SEMA3A: variants seen among roughly 807,000 people sequenced by gnomAD.
SEMA3A encodes the protein semaphorin 3A.
Under a neutral mutation model 97.9 loss-of-function variants are expected in SEMA3A, and 29 were observed. The ratio of observed to expected loss-of-function variants is 0.30; its 90% CI spans 0.22 to 0.40. SEMA3A has a LOEUF of 0.40. SEMA3A is among the 10% of genes least tolerant of loss of function. SEMA3A has a pLI of 1.00. For synonymous variants in SEMA3A, 321 were observed against 323.7 expected, an observed-to-expected ratio of 0.99 and a Z score of 0.09; for missense variants, 763 against 951.3, an observed-to-expected ratio of 0.80 and a Z score of 2.60.
intron 12 of SEMA3A, among the ~76,000 whole-genome samples, chr7:84,000,180 T>C (rs998177533): frequency 1.3e-4 from 19 of 150,648 alleles, no homozygotes; most frequent in Non-Finnish European, 2.5e-4. Flanking sequence ...ACAGAGTCCA[T>C]TTGGACAGTT....
intron 1 of SEMA3A, among the ~76,000 whole-genome samples, chr7:84,393,208 G>T (rs539271718): frequency 6.6e-6 from 1 of 152,186 alleles, no homozygotes; most frequent in Non-Finnish European, 1.5e-5. Context: ...AATCAATTTT[G>T]AGTGGATTTG....
chr7:84,215,671 A>T (rs1386940662), intron 3 of SEMA3A, among the ~76,000 whole-genome samples: 1 of 152,166 alleles, frequency 6.6e-6, no homozygotes, highest in African/African-American at 2.4e-5. Context: ...ATAACTCTCT[A>T]TGCCACATCT....
At chr7:84,453,443 A>G (rs185218368) in intron 1 of SEMA3A, among the ~76,000 whole-genome samples, 38 of 151,838 alleles carry the variant, frequency 2.5e-4, no homozygotes, top group African/African-American at 9.0e-4. Context: ...TCACCGTGTT[A>G]GCCAGGATGG....
At chr7:83,966,865 C>T (rs762815209) in intron 15 of SEMA3A, among the ~76,000 whole-genome samples, 2 of 152,082 alleles carry the variant, frequency 1.3e-5, no homozygotes, top group African/African-American at 2.4e-5. Context: ...GCATGCGCCA[C>T]CACGCCCAGC....
intron 4 of SEMA3A, among the ~76,000 whole-genome samples, chr7:84,094,496 T>C (rs1055540823): frequency 6.6e-6 from 1 of 152,272 alleles, no homozygotes; most frequent in African/African-American, 2.4e-5. Context: ...TCTACTTGTA[T>C]TCTAGAGCAT....
At position 84,389,031 on chromosome 7, in the gene SEMA3A, A is replaced by C. The variant is rs140096145; in HGVS notation, c.-245-17131T>G. Among the ~76,000 whole-genome samples the C allele has an allele frequency of 1.9e-3, 285 of 152,194 alleles. 1 individual carries two copies. Among genetic ancestry groups the C allele is most frequent in the African/African-American group, 6.6e-3 (276 of 41,558 alleles). The stretch of plus-strand genomic sequence containing the variant: ...AACAAATTACCATAAGCAAATTACA[A>C]AAAGGAGACCTTATGAGGGGGAAAA... On this transcript the variant is annotated intron_variant, in intron 1 of 3. Transcript: ENST00000424555.
intron 1 of SEMA3A, among the ~76,000 whole-genome samples, chr7:84,413,776 T>A (rs917291405): frequency 2.0e-5 from 3 of 152,144 alleles, no homozygotes; most frequent in African/African-American, 7.2e-5. Flanking sequence ...TTTATACTAG[T>A]CATTTTTAAA....
At chr7:84,077,908 C>T (rs1271720205) in intron 4 of SEMA3A, among the ~76,000 whole-genome samples, 1 of 151,680 alleles carries the variant, frequency 6.6e-6, no homozygotes. Flanking sequence ...AATTTTAATG[C>T]CAGTTGGGGG....
chr7:84,207,724 G>A (rs2116311847), intron 3 of SEMA3A, among the ~76,000 whole-genome samples: 1 of 152,298 alleles, frequency 6.6e-6, no homozygotes, highest in East Asian at 1.9e-4. Context: ...AAGAGGTCAA[G>A]TCATCTTCCT....
intron 4 of SEMA3A, among the ~76,000 whole-genome samples, chr7:84,071,833 A>C (rs1406943788): frequency 6.6e-6 from 1 of 152,144 alleles, no homozygotes; most frequent in African/African-American, 2.4e-5. Context: ...CACTGAGTTA[A>C]AGCTCATAAA....
intron 4 of SEMA3A, among the ~76,000 whole-genome samples, chr7:84,100,268 A>G (rs1356676696): frequency 6.6e-6 from 1 of 152,138 alleles, no homozygotes; most frequent in East Asian, 1.9e-4. Flanking sequence ...CCAGGAGAAA[A>G]AAATCACTCC....
rs527401139 is a variant in SEMA3A at position 84,372,141 on chromosome 7, C to T, written c.-245-241G>A. The stretch of plus-strand genomic sequence containing the variant: ...CCCTCACTTCTTCCCAAATTGGATT[C>T]TCAGAGATTATTTCCACTATTTGTG... On this transcript the variant is annotated intron_variant, in intron 1 of 3. Transcript: ENST00000424555. The T allele has an allele frequency of 2.6e-5, 4 of 152,164 alleles. No homozygotes were observed. In the South Asian group the frequency reaches 6.2e-4, roughly 24 times the overall value. The allele number at this position is 152,164 out of a possible 1,614,324, so 9.4% of individuals were successfully genotyped here. A position where few individuals can be genotyped will look rare whatever the true frequency, so the allele number is the denominator to read the frequency against.
chr7:84,076,391 T>G (rs554300768), intron 4 of SEMA3A, among the ~76,000 whole-genome samples: 183 of 152,272 alleles, frequency 1.2e-3, no homozygotes, highest in African/African-American at 4.2e-3. Flanking sequence ...CACAGCTGGT[T>G]TGTAGAAAAA....
upstream of SEMA3A, among the ~76,000 whole-genome samples, chr7:84,197,508 T>C (rs1203381474): frequency 6.6e-6 from 1 of 152,136 alleles, no homozygotes; most frequent in Non-Finnish European, 1.5e-5. Flanking sequence ...AATATTATAT[T>C]TCTACTGCCT....
In SEMA3A at chr7:84,007,539, T is replaced by G. The variant is rs764839100; in HGVS notation, c.996-42A>C. Reference sequence around the variant, plus strand: ...GAATAAAAACAGAAGTTCATCTTTATACAATGGTAAGAGAAATATTGATAC... The same window carrying G: ...GAATAAAAACAGAAGTTCATCTTTAGACAATGGTAAGAGAAATATTGATAC... On this transcript the variant is annotated intron_variant, in intron 9 of 16. Coordinates refer to ENST00000265362, the MANE Select transcript of SEMA3A (RefSeq NM_006080.3). The G allele has an allele frequency of 9.1e-6, 13 of 1,424,016 alleles. No homozygotes were observed. In the East Asian group the frequency reaches 3.4e-4, roughly 37 times the overall value. 88.2% of individuals were successfully genotyped at this position (1,424,016 alleles called of 1,614,324 possible). A position where few individuals can be genotyped will look rare whatever the true frequency, so the allele number is the denominator to read the frequency against.
At chr7:84,462,635 T>C (rs1805875399) in intron 1 of SEMA3A, among the ~76,000 whole-genome samples, 1 of 152,124 alleles carries the variant, frequency 6.6e-6, no homozygotes, top group Admixed American at 6.5e-5. Context: ...TTTGAGTGGA[T>C]CTGTAATAAT....
chr7:84,424,883 TA>T (rs1220074006), intron 1 of SEMA3A, among the ~76,000 whole-genome samples: 12 of 78,116 alleles, frequency 1.5e-4, no homozygotes, highest in Admixed American at 6.8e-4. Context: ...TATATAATAT[TA>T]TATATAAATA....
intron 4 of SEMA3A, among the ~76,000 whole-genome samples, chr7:84,102,836 C>T (rs1391061379): frequency 6.6e-6 from 1 of 151,988 alleles, no homozygotes; most frequent in Non-Finnish European, 1.5e-5. Flanking sequence ...CCACCTCAGC[C>T]TCCCAAAGTG....
At chr7:84,078,690 A>G (rs563913595) in intron 4 of SEMA3A, among the ~76,000 whole-genome samples, 78 of 151,924 alleles carry the variant, frequency 5.1e-4, no homozygotes, top group Non-Finnish European at 1.0e-3. Flanking sequence ...ATAAATCTCC[A>G]TAGCTTTTCA....
Sources: allele counts gnomAD v4.1 joint callset (sites outside exome capture counted in the v4.1 genomes callset), GRCh38; gene constraint gnomAD v4.1.1; transcripts MANE v1.5; gene names NCBI Gene and HGNC (gene_info 2026-07-23, HGNC 2026-07-21).